Variants in KLHL20 observed in about 807,000 individuals in gnomAD.
KLHL20 encodes kelch-like protein 20.
KLHL20 carries 29 observed loss-of-function variants against 69.5 expected under a neutral mutation model. That is an observed-to-expected ratio of 0.42 (90% CI 0.31 to 0.57). KLHL20 has a LOEUF of 0.57. KLHL20 is among the 20% of genes least tolerant of loss of function. The pLI is 0.18. For synonymous variants in KLHL20, 253 were observed against 265.2 expected (o/e 0.95, Z 0.45); for missense variants, 419 against 776.0 (o/e 0.54, Z 5.47).
At chr1:173,730,169 GAAGGATCTCTTC>G (rs1418028921) in intron 2 of KLHL20, among the ~76,000 whole-genome samples, 1 of 152,144 alleles carries the variant, frequency 6.6e-6, no homozygotes, top group African/African-American at 2.4e-5. Context: ...CAAGGGATGT[GAAGGATCTCTTC>G]AAGGAGAACT....
intron 3 of KLHL20, among the ~76,000 whole-genome samples, chr1:173,750,671 C>T (rs557778982): frequency 1.3e-5 from 2 of 152,134 alleles, no homozygotes; most frequent in Non-Finnish European, 2.9e-5. Flanking sequence ...GCCTCAGCCT[C>T]CTAAAGTGCT....
chr1:173,752,366 T>G (rs566263616), intron 4 of KLHL20, among the ~76,000 whole-genome samples: 1 of 152,262 alleles, frequency 6.6e-6, no homozygotes, highest in South Asian at 2.1e-4. Flanking sequence ...AATAAGTATT[T>G]AGAAGCATTT....
At chr1:173,723,827 G>A (rs1397143869) in intron 2 of KLHL20, among the ~76,000 whole-genome samples, 2 of 152,160 alleles carry the variant, frequency 1.3e-5, no homozygotes, top group African/African-American at 4.8e-5. Context: ...ACGATCTGGA[G>A]CATGGATGTG....
At chr1:173,717,361 T>G (rs534308921) in intron 2 of KLHL20, among the ~76,000 whole-genome samples, 7 of 152,264 alleles carry the variant, frequency 4.6e-5, no homozygotes, top group Non-Finnish European at 1.0e-4. Context: ...TACTGTCAGC[T>G]ATTCAGAATC....
chr1:173,716,135 A>G, intron 2 of KLHL20, 69 bp downstream of exon 2: 1 of 1,470,072 alleles, frequency 6.8e-7, no homozygotes, highest in Non-Finnish European at 9.5e-7. Context: ...TTAAATTTTT[A>G]AAAAAGAGTT....
intron 3 of KLHL20, among the ~76,000 whole-genome samples, chr1:173,736,824 G>C (rs1175106568): frequency 6.6e-6 from 1 of 152,142 alleles, no homozygotes; most frequent in Non-Finnish European, 1.5e-5. Flanking sequence ...TCAAACTCCT[G>C]ACCTCAGGTG....
chr1:173,739,646 CTTTTTT>C (rs60793132), intron 3 of KLHL20, among the ~76,000 whole-genome samples: 6 of 89,922 alleles, frequency 6.7e-5, no homozygotes, highest in African/African-American at 8.0e-5. Flanking sequence ...TAATATCTCC[CTTTTTT>C]TTTTTTTTTT....
intron 3 of KLHL20, among the ~76,000 whole-genome samples, chr1:173,743,065 A>G (rs10158197): frequency 0.072 from 10,913 of 151,146 alleles, 1,323 homozygotes; most frequent in African/African-American, 0.25. Flanking sequence ...AATCAGAAAA[A>G]AAAACATGAA....
At chr1:173,739,246 G>T (rs942852045) in intron 3 of KLHL20, among the ~76,000 whole-genome samples, 2 of 151,832 alleles carry the variant, frequency 1.3e-5, no homozygotes, top group African/African-American at 4.8e-5. Flanking sequence ...CTAATTTTTT[G>T]TATGTTAGTG....
At chr1:173,725,224 T>C (rs1307391782) in intron 2 of KLHL20, among the ~76,000 whole-genome samples, 1 of 152,222 alleles carries the variant, frequency 6.6e-6, no homozygotes, top group Non-Finnish European at 1.5e-5. Context: ...TCTCCTTGCC[T>C]CCCAGCATTC....
At chr1:173,751,960 G>A (rs1321797044) in intron 4 of KLHL20, 38 bp downstream of exon 4, 7 of 1,589,082 alleles carry the variant, frequency 4.4e-6, no homozygotes, top group African/African-American at 1.3e-5. Context: ...ACTGCTGACC[G>A]GGCATGGTGG....
intron 2 of KLHL20, among the ~76,000 whole-genome samples, chr1:173,720,872 TTTAAGA>T (rs1259020604): frequency 7.2e-5 from 11 of 152,122 alleles, no homozygotes; most frequent in Non-Finnish European, 1.5e-4. Context: ...TTTCATATAC[TTTAAGA>T]TTATTGTGTT....
At chr1:173,749,991 A>T (rs540679073) in intron 3 of KLHL20, among the ~76,000 whole-genome samples, 63 of 152,328 alleles carry the variant, frequency 4.1e-4, no homozygotes, top group African/African-American at 1.5e-3. Context: ...ATTAAATTTA[A>T]ATTCCAGATA....
chr1:173,716,486 A>G (rs1194500886), intron 2 of KLHL20, among the ~76,000 whole-genome samples: 1 of 152,208 alleles, frequency 6.6e-6, no homozygotes, highest in African/African-American at 2.4e-5. Context: ...ATGTTCAATC[A>G]TACATTTGTT....
chr1:173,762,129 G>A (rs1647344694), intron 7 of KLHL20, among the ~76,000 whole-genome samples: 1 of 151,996 alleles, frequency 6.6e-6, no homozygotes, highest in Admixed American at 6.6e-5. Flanking sequence ...TAGAAGAGAT[G>A]AATAAATTAC....
rs567775520 is a variant in KLHL20 at position 173,776,751 on chromosome 1, G to A, written c.1638+909G>A. Among the ~76,000 whole-genome samples, 4 of 152,094 alleles carry A rather than the reference G, an allele frequency of 2.6e-5. No homozygotes were observed. The East Asian group carries it at 7.7e-4, about 29-fold the overall frequency. ...CTGTAGATGTATAGGTTTATTTCTGGGTTCTCCATTCTGTTCCATTGGTCT... is the reference window on the plus strand; with the variant it reads ...CTGTAGATGTATAGGTTTATTTCTGAGTTCTCCATTCTGTTCCATTGGTCT... On this transcript the variant is annotated intron_variant, in intron 10 of 11. Transcript: ENST00000209884.
At chr1:173,748,594 C>T (rs886444504) in intron 3 of KLHL20, among the ~76,000 whole-genome samples, 5 of 151,968 alleles carry the variant, frequency 3.3e-5, no homozygotes, top group Non-Finnish European at 5.9e-5. Flanking sequence ...ATCCACTTTC[C>T]AAAAATAAAG....
intron 8 of KLHL20, among the ~76,000 whole-genome samples, chr1:173,770,514 A>G (rs1291313394): frequency 6.6e-6 from 1 of 152,100 alleles, no homozygotes; most frequent in Non-Finnish European, 1.5e-5. Flanking sequence ...CCTGACTAAC[A>G]TGGTGAAACC....
intron 7 of KLHL20, among the ~76,000 whole-genome samples, chr1:173,765,023 G>A (rs989449600): frequency 2.6e-5 from 4 of 152,068 alleles, no homozygotes; most frequent in Non-Finnish European, 5.9e-5. Flanking sequence ...AAATTTACAT[G>A]AATTTTAGCT....
Sources: gnomAD v4.1 joint callset for allele counts (sites outside exome capture counted in the v4.1 genomes callset) on GRCh38, gnomAD v4.1.1 for gene constraint, MANE v1.5 for transcripts, NCBI Gene and HGNC (gene_info 2026-07-23, HGNC 2026-07-21) for gene names.